Variants in RNF40 observed in about 807,000 individuals in gnomAD.
The protein encoded by RNF40 is ring finger protein 40.
RNF40 carries 39 observed loss-of-function variants against 123.3 expected under a neutral mutation model. The ratio of observed to expected loss-of-function variants is 0.32; its 90% CI spans 0.24 to 0.41. RNF40 has a LOEUF of 0.41. RNF40 is among the 10% of genes least tolerant of loss of function. The pLI is 1.00. For missense variants in RNF40, 1,003 were observed against 1,319.9 expected (o/e 0.76, Z 3.72); for synonymous variants, 538 against 526.0 (o/e 1.02, Z -0.31).
At position 30,764,350 on chromosome 16, in the gene RNF40, G is replaced by A. The variant is rs200779544; in HGVS notation, c.614G>A (p.Arg205Gln). Residue 205 changes from arginine (R) to glutamine (Q), a missense_variant, in exon 5 of 20, where the codon CGG becomes CAG. Arg to Gln is a conservative substitution (Grantham distance 43). Around this residue, in one of 11 missense-constraint regions of RNF40, gnomAD observed 274 missense variants for 356.9 expected, o/e 0.77. Transcript: ENST00000324685. ...VVEASDRLQR[R>Q]VEELCQRVYS... is the part of the protein sequence containing the mutation. ...GAGGCCTCAGACCGCCTACAGCGCCGGGTGGAGGAACTCTGTCAGCGAGTG... is the reference window on the plus strand; with the variant it reads ...GAGGCCTCAGACCGCCTACAGCGCCAGGTGGAGGAACTCTGTCAGCGAGTG... The A allele has an allele frequency of 1.5e-4, 236 of 1,613,670 alleles. No homozygotes were observed. The highest frequency in any genetic ancestry group is 6.3e-4 in the South Asian group (57 of 91,020).
intron 17 of RNF40, among the ~76,000 whole-genome samples, chr16:30,771,303 A>G (rs2054143462): frequency 6.6e-6 from 1 of 152,068 alleles, no homozygotes; most frequent in African/African-American, 2.4e-5. Flanking sequence ...AGCAGAGAGG[A>G]GAGCCTTGTG....
At chr16:30,770,724 T>G (rs2054133720) in intron 17 of RNF40, among the ~76,000 whole-genome samples, 1 of 152,198 alleles carries the variant, frequency 6.6e-6, no homozygotes, top group Non-Finnish European at 1.5e-5. Flanking sequence ...TTGTTGTTGT[T>G]TTTTTTAGAC....
Position 30,768,856 on chromosome 16 carries a change from C to T in RNF40, c.2116C>T (p.Arg706Cys), listed in dbSNP as rs780318354. ...AKAEVDELRS[R>C]IRELEERDRR... is the part of the protein sequence containing the mutation. ...GCTATAGGTTGATGAGCTGCGGAGC[C>T]GCATCCGGGAATTGGAGGAGAGGGA... The change falls in exon 15 of 20, where the codon CGC becomes TGC. Residue 706 changes from arginine (R) to cysteine (C), a missense_variant. Coordinates refer to ENST00000324685, the MANE Select transcript of RNF40 (RefSeq NM_014771.4). This position sits in a 1 kb window ranked among gnomAD's most constrained non-coding sequence, Gnocchi z 4.1. 4.2e-5 allele frequency: 68 copies of T among 1,614,072 alleles called. No individual in the cohort carries two copies. Among genetic ancestry groups the T allele is most frequent in the Middle Eastern group, 1.6e-4 (1 of 6,084 alleles).
Position 30,766,987 on chromosome 16 carries a change from G to C in RNF40, c.1429+111G>C. ...AGGCTAAGGCCTTTTTTTTCACAGA[G>C]CCTCGGCTTCCTATGCAAAACAGGG... On this transcript the variant is annotated intron_variant, in intron 11 of 19. Coordinates refer to ENST00000324685, the MANE Select transcript of RNF40 (RefSeq NM_014771.4). This position sits in a 1 kb window ranked among gnomAD's most constrained non-coding sequence, Gnocchi z 5.4. 7.3e-7 allele frequency: 1 copy of C among 1,366,864 alleles called. No individual in the cohort carries two copies. Among genetic ancestry groups the C allele is most frequent in the Non-Finnish European group, 9.8e-7 (1 of 1,018,310 alleles). The allele number at this position is 1,366,864 out of a possible 1,614,324, so 84.7% of individuals were successfully genotyped here. A position where few individuals can be genotyped will look rare whatever the true frequency, so the allele number is the denominator to read the frequency against.
At chr16:30,773,700 C>A in intron 19 of RNF40, 1 of 416,788 alleles carries the variant, frequency 2.4e-6, no homozygotes. Context: ...TGAGGGGACA[C>A]ATGATAGCCA....
chr16:30,762,786 G>C, intron 2 of RNF40, 109 bp downstream of exon 2: 1 of 1,371,966 alleles, frequency 7.3e-7, no homozygotes, highest in Non-Finnish European at 1.0e-6. Flanking sequence ...AGCAAGGTCC[G>C]CGTTACAGGA....
At chr16:30,767,622 A>G (rs1596752505) in intron 11 of RNF40, 2 of 335,640 alleles carry the variant, frequency 6.0e-6, no homozygotes, top group East Asian at 1.1e-4. Context: ...CAGGGCAACA[A>G]AGTGAGACAC....
chr16:30,771,986 G>T lies in RNF40; in HGVS notation c.2727+13G>T, dbSNP rs749667614. The T allele has an allele frequency of 1.3e-6, 2 of 1,588,600 alleles. No individual in the cohort carries two copies. Among genetic ancestry groups the T allele is most frequent in the Admixed American group, 1.7e-5 (1 of 58,634 alleles). On this transcript the variant is annotated intron_variant, in intron 18 of 19. Coordinates refer to ENST00000324685, the MANE Select transcript of RNF40 (RefSeq NM_014771.4). The stretch of plus-strand genomic sequence containing the variant: ...CAAGAGGGCTCAGGTGTGTGCAGGG[G>T]TGAGGGGCCAGGCCAGGGTGGTCCA...
Position 30,768,331 on chromosome 16 carries a change from C to A in RNF40, c.1780C>A (p.Pro594Thr). Residue 594 changes from proline (P) to threonine (T), a missense_variant, in exon 13 of 20, where the codon CCT becomes ACT. Coordinates refer to ENST00000324685, the MANE Select transcript of RNF40 (RefSeq NM_014771.4). The surrounding 1 kb of genome is among the most constrained non-coding windows in gnomAD (Gnocchi z 4.1). ...TGAAGAGGACTTCCAGGGTATAACCCCTGGGGCCCAGGGCCCTTCCTCCCG... is the reference window on the plus strand; with the variant it reads ...TGAAGAGGACTTCCAGGGTATAACCACTGGGGCCCAGGGCCCTTCCTCCCG... ...PSEEDFQGITPGAQGPSSRGR... is the reference protein window; with the variant it reads ...PSEEDFQGITTGAQGPSSRGR... The A allele has an allele frequency of 6.2e-7, 1 of 1,613,432 alleles. No individual in the cohort carries two copies. Among genetic ancestry groups the A allele is most frequent in the Non-Finnish European group, 8.5e-7 (1 of 1,179,786 alleles).
Position 30,774,271 on chromosome 16 carries a change from TG to T in RNF40, c.*160del. Reference sequence around the variant, plus strand: ...GTTTGGGGACCCTGGTGCATGCTAGTGGGCATGGGATCAGCCAAGCTTCGTT... The same window carrying T: ...GTTTGGGGACCCTGGTGCATGCTAGTGGCATGGGATCAGCCAAGCTTCGTT... On this transcript the variant is annotated 3_prime_UTR_variant, in exon 20 of 20. Coordinates refer to ENST00000324685, the MANE Select transcript of RNF40 (RefSeq NM_014771.4). The T allele has an allele frequency of 1.4e-6, 1 of 694,816 alleles. No homozygotes were observed. Among genetic ancestry groups the T allele is most frequent in the South Asian group, 2.1e-5 (1 of 48,646 alleles). The allele number at this position is 694,816 out of a possible 1,614,324, so 43.0% of individuals were successfully genotyped here. A position where few individuals can be genotyped will look rare whatever the true frequency, so the allele number is the denominator to read the frequency against.
chr16:30,772,411 C>G, intron 19 of RNF40: 2 of 625,596 alleles, frequency 3.2e-6, no homozygotes, highest in South Asian at 3.5e-5. Flanking sequence ...TGGCCCTGGT[C>G]TCTGACTTCT....
chr16:30,771,612 G>A (rs531167401), intron 17 of RNF40, among the ~76,000 whole-genome samples: 83 of 151,116 alleles, frequency 5.5e-4, no homozygotes, highest in African/African-American at 1.6e-3. Flanking sequence ...GTAAGACTCC[G>A]TCTCAAAAAA....
rs1166429701 is a variant in RNF40, at chr16:30,772,158, G to A, written c.2797G>A (p.Glu933Lys). The A allele has an allele frequency of 6.4e-6, 10 of 1,553,162 alleles. No individual in the cohort carries two copies. Among genetic ancestry groups the A allele is most frequent in the Non-Finnish European group, 8.7e-6 (10 of 1,147,770 alleles). ...RKVEVYADADEILQEEIKEYK... is the reference protein window; with the variant it reads ...RKVEVYADADKILQEEIKEYK... ...GGTGGAGGTCTACGCAGATGCCGACGAAATCCTCCAGGAGGAGATCAAGGA... is the reference window on the plus strand; with the variant it reads ...GGTGGAGGTCTACGCAGATGCCGACAAAATCCTCCAGGAGGAGATCAAGGA... The change falls in exon 19 of 20, where the codon GAA (glutamate) becomes AAA (lysine). Residue 933 changes from glutamate (E) to lysine (K), a missense_variant. Transcript: ENST00000324685.
Position 30,766,140 on chromosome 16 carries a change from TGGCCCTGCCTCCCAC to T in RNF40, c.994-22_994-8del, listed in dbSNP as rs748356730. 7 of 1,613,466 alleles carry T rather than the reference TGGCCCTGCCTCCCAC, an allele frequency of 4.3e-6. No homozygotes were observed. Among genetic ancestry groups the T allele is most frequent in the Non-Finnish European group, 5.9e-6 (7 of 1,179,922 alleles). ...CTGCCACGTCTGGCCCTGCCTCCCATGGCCCTGCCTCCCACTCCTTAGTTTGAGATGCTGAATGCA... is the reference window on the plus strand; with the variant it reads ...CTGCCACGTCTGGCCCTGCCTCCCATTCCTTAGTTTGAGATGCTGAATGCA... On this transcript the variant is annotated splice_region_variant and splice_polypyrimidine_tract_variant and intron_variant, in intron 8 of 19. Coordinates refer to ENST00000324685, the MANE Select transcript of RNF40 (RefSeq NM_014771.4). This position sits in a 1 kb window ranked among gnomAD's most constrained non-coding sequence, Gnocchi z 5.4.
chr16:30,764,181 C>T lies in RNF40; in HGVS notation c.445C>T (p.Pro149Ser), dbSNP rs762832521. The T allele has an allele frequency of 2.5e-6, 4 of 1,607,638 alleles. No homozygotes were observed. The highest frequency in any genetic ancestry group is 1.1e-5 in the South Asian group (1 of 89,848). ...GAGGGTCTGTCCATTCCTTCCAGAC[C>T]CCTTGCTGATGCAGCTGCGGCCCCC... ...PEPGTSELRD[P>S]LLMQLRPPLS... Residue 149 changes from proline (P) to serine (S), a missense_variant and splice_region_variant, in exon 5 of 20, where the codon CCC becomes TCC. By Grantham distance (74) the Pro-to-Ser change is moderately conservative. Coordinates refer to ENST00000324685, the MANE Select transcript of RNF40 (RefSeq NM_014771.4).
At position 30,774,222 on chromosome 16, in the gene RNF40, G is replaced by T. The variant is rs1379744559; in HGVS notation, c.*108G>T. On this transcript the variant is annotated 3_prime_UTR_variant, in exon 20 of 20. Coordinates refer to ENST00000324685, the MANE Select transcript of RNF40 (RefSeq NM_014771.4). ...CCACCCTCCATTCCGGACCCCATGGGCCCAGCCCCTGCCCATCTAGTTGGT... is the reference window on the plus strand; with the variant it reads ...CCACCCTCCATTCCGGACCCCATGGTCCCAGCCCCTGCCCATCTAGTTGGT... The T allele has an allele frequency of 2.0e-5, 24 of 1,204,834 alleles. No individual in the cohort carries two copies. The highest frequency in any genetic ancestry group is 2.5e-5 in the Non-Finnish European group (22 of 872,384). The allele number at this position is 1,204,834 out of a possible 1,614,324, so 74.6% of individuals were successfully genotyped here.
At position 30,766,814 on chromosome 16, in the gene RNF40, G is replaced by A. The variant is rs772520229; in HGVS notation, c.1367G>A (p.Arg456His). 5.6e-6 allele frequency: 9 copies of A among 1,613,878 alleles called. No homozygotes were observed. Among genetic ancestry groups the A allele is most frequent in the Admixed American group, 1.7e-5 (1 of 59,998 alleles). ...IQLEDTLAQV[R>H]KEYEMLRIEF... is the part of the protein sequence containing the mutation. ...CTGGAGGACACGCTGGCCCAGGTAC[G>A]CAAGGAGTATGAGATGCTGCGCATC... Residue 456 changes from arginine to histidine, a missense_variant, in exon 11 of 20, where the codon CGC becomes CAC. Physicochemically the swap from Arg to His is conservative, Grantham distance 29. This residue lies in a region of RNF40 where 274 missense variants were observed against 356.9 expected (regional missense o/e 0.77). Transcript: ENST00000324685. The surrounding 1 kb of genome is among the most constrained non-coding windows in gnomAD (Gnocchi z 5.4).
Position 30,774,799 on chromosome 16 carries a change from C to T in RNF40, c.*685C>T, listed in dbSNP as rs1029792989. 5.5e-5 allele frequency: 20 copies of T among 365,560 alleles called. 1 individual carries two copies. Among genetic ancestry groups the T allele is most frequent in the South Asian group, 3.9e-4 (19 of 48,892 alleles). 22.6% of individuals were successfully genotyped at this position (365,560 alleles called of 1,614,324 possible). A position where few individuals can be genotyped will look rare whatever the true frequency, so the allele number is the denominator to read the frequency against. ...ATCAGTTTCTATTCTAATCAGGCCC[C>T]TTCCCAATCTCCATTTCTCTGCCAA... On this transcript the variant is annotated 3_prime_UTR_variant, in exon 20 of 20. Transcript: ENST00000324685.
rs2053928164 is a variant in RNF40 at position 30,763,265 on chromosome 16, G to A, written c.280G>A (p.Val94Ile). 1 of 1,614,026 alleles carries A rather than the reference G, an allele frequency of 6.2e-7. No individual in the cohort carries two copies. The highest frequency in any genetic ancestry group is 1.7e-5 in the Admixed American group (1 of 60,008). The change falls in exon 3 of 20, where the codon GTC becomes ATC. Residue 94 changes from valine to isoleucine, a missense_variant. Val to Ile is a conservative substitution (Grantham distance 29, BLOSUM62 3). Transcript: ENST00000324685. Reference protein sequence around the residue: ...QATDDATLLIVNRYWAQLDET... With the variant: ...QATDDATLLIINRYWAQLDET... ...CACAGATGATGCCACACTCCTCATC[G>A]TCAATCGCTACTGGGCCCAGGTGGA... is the stretch of plus-strand genomic sequence containing the variant.
Sources: gnomAD v4.1 joint callset for allele counts (sites outside exome capture counted in the v4.1 genomes callset) on GRCh38, gnomAD v4.1.1 for gene constraint, gnomAD v4.1.1 regional missense constraint, Gnocchi (gnomAD v3.1) non-coding constraint, MANE v1.5 for transcripts, NCBI Gene and HGNC (gene_info 2026-07-23, HGNC 2026-07-21) for gene names.